Variants in SLC41A1 observed in about 807,000 individuals in gnomAD.
SLC41A1 encodes solute carrier family 41 member 1.
A neutral mutation model predicts 47.3 loss-of-function variants in SLC41A1; 20 were observed. The observed-to-expected ratio is 0.42, with a 90% CI of 0.30 to 0.61. The LOEUF (loss-of-function observed/expected upper bound fraction) is 0.61. Ranked by LOEUF, SLC41A1 falls within the 20% of genes least tolerant of loss-of-function variation. The pLI is 0.17. For missense variants in SLC41A1, 504 were observed against 674.1 expected (o/e 0.75, Z 2.79); for synonymous variants, 282 against 272.7 (o/e 1.03, Z -0.34).
Position 205,797,021 on chromosome 1 carries a change from C to T in SLC41A1, c.993-18G>A. The T allele has an allele frequency of 1.3e-6, 2 of 1,505,244 alleles. No homozygotes were observed. The highest frequency in any genetic ancestry group is 1.8e-6 in the Non-Finnish European group (2 of 1,119,978). 93.2% of individuals were successfully genotyped at this position (1,505,244 alleles called of 1,614,324 possible). ...CTCCCACACTATAGAGACATAAAGA[C>T]AAAATGACGCAAAGACCACTGAAGG... On this transcript the variant is annotated intron_variant, in intron 7 of 10. Coordinates refer to ENST00000367137, the MANE Select transcript of SLC41A1 (RefSeq NM_173854.6).
chr1:205,793,834 TTG>T (rs60181043), intron 10 of SLC41A1, among the ~76,000 whole-genome samples: 3,182 of 152,204 alleles, frequency 0.021, 102 homozygotes, highest in African/African-American at 0.071. Context: ...TAGAATAGGT[TTG>T]AAGGACACAC....
Position 205,791,330 on chromosome 1 carries a change from C to T in SLC41A1, c.*203G>A, listed in dbSNP as rs1230256204. The T allele has an allele frequency of 6.2e-6, 4 of 642,554 alleles. No individual in the cohort carries two copies. In the East Asian group the frequency reaches 1.2e-4, roughly 19 times the overall value. 39.8% of individuals were successfully genotyped at this position (642,554 alleles called of 1,614,324 possible). A position where few individuals can be genotyped will look rare whatever the true frequency, so the allele number is the denominator to read the frequency against. Reference sequence around the variant, plus strand: ...TCAAAAACCTACTTGTACTGCTTATCTCAGGCCATCTGTGTTTCCCAAATT... The same window carrying T: ...TCAAAAACCTACTTGTACTGCTTATTTCAGGCCATCTGTGTTTCCCAAATT... On this transcript the variant is annotated 3_prime_UTR_variant, in exon 11 of 11. Coordinates refer to ENST00000367137, the MANE Select transcript of SLC41A1 (RefSeq NM_173854.6). This position sits in a 1 kb window ranked among gnomAD's most constrained non-coding sequence, Gnocchi z 4.0.
chr1:205,805,164 G>C lies in SLC41A1; in HGVS notation c.373-4104C>G, dbSNP rs1283259565. ...TGCAAAAGTCTTCCCGACTCTTACA[G>C]AATATAGCCTGGAACCTCAAACGAC... On this transcript the variant is annotated intron_variant, in intron 2 of 10. Coordinates refer to ENST00000367137, the MANE Select transcript of SLC41A1 (RefSeq NM_173854.6). Among the ~76,000 whole-genome samples, 25 of 152,238 alleles carry C rather than the reference G, an allele frequency of 1.6e-4. 1 individual carries two copies. The highest frequency in any genetic ancestry group is 1.5e-5 in the Non-Finnish European group (1 of 68,008).
chr1:205,800,905 T>TGCCCAGAGTCCTCTCTGTGCC lies in SLC41A1; in HGVS notation c.480+27_480+47dup, dbSNP rs773347509. On this transcript the variant is annotated intron_variant, in intron 3 of 10. Transcript: ENST00000367137. ...CCTCTCCCAGTCTCTGGCTCTGTGC[T>TGCCCAGAGTCCTCTCTGTGCC]GCCCAGAGTCCTCTCTGTGCCCCAC... 7 of 1,523,852 alleles carry TGCCCAGAGTCCTCTCTGTGCC rather than the reference T, an allele frequency of 4.6e-6. No individual in the cohort carries two copies. In the East Asian group the frequency reaches 1.6e-4, roughly 34 times the overall value. The allele number at this position is 1,523,852 out of a possible 1,614,324, so 94.4% of individuals were successfully genotyped here.
chr1:205,799,125 G>A (rs745428290), intron 4 of SLC41A1, 24 bp from the exon 5 acceptor site: 1 of 1,611,342 alleles, frequency 6.2e-7, no homozygotes, highest in South Asian at 1.1e-5. Context: ...TGGTAACTCA[G>A]AAAGCCCTGA....
rs372618362 is a variant in SLC41A1, at chr1:205,810,208, G to T, written c.234C>A (p.Asp78Glu). The change falls in exon 2 of 11, where the codon GAC becomes GAA. Residue 78 changes from aspartate (D) to glutamate (E), a missense_variant. Asp to Glu is a conservative substitution (Grantham distance 45). Transcript: ENST00000367137. The surrounding 1 kb of genome is among the most constrained non-coding windows in gnomAD (Gnocchi z 5.5). Reference sequence around the variant, plus strand: ...GCGCAGGGCCACGGTCTGTGCTGACGTCGTCACTTTCGTTGCTCTGGCTCC... The same window carrying T: ...GCGCAGGGCCACGGTCTGTGCTGACTTCGTCACTTTCGTTGCTCTGGCTCC... Reference protein sequence around the residue: ...ENGSQSNESDDVSTDRGPAPP... With the variant: ...ENGSQSNESDEVSTDRGPAPP... 1 of 1,614,124 alleles carries T rather than the reference G, an allele frequency of 6.2e-7. No individual in the cohort carries two copies. The highest frequency in any genetic ancestry group is 8.5e-7 in the Non-Finnish European group (1 of 1,180,050).
intron 2 of SLC41A1, among the ~76,000 whole-genome samples, chr1:205,807,506 G>T (rs1656039519): frequency 6.6e-6 from 1 of 152,174 alleles, no homozygotes; most frequent in South Asian, 2.1e-4. Context: ...ATGGGTAGGG[G>T]TGTGGTGTGT....
intron 2 of SLC41A1, among the ~76,000 whole-genome samples, chr1:205,801,807 C>A (rs1026573395): frequency 6.6e-6 from 1 of 152,340 alleles, no homozygotes; most frequent in East Asian, 1.9e-4. Flanking sequence ...CTACCAATGT[C>A]TTTGGTTAAC....
In SLC41A1 at chr1:205,791,192, C is replaced by T. The variant is rs1168043295; in HGVS notation, c.*341G>A. ...CTTACAAAGGGTTTCTCATTAGGGC[C>T]AAGACAGGTTGCTAAAGCCAAACCC... On this transcript the variant is annotated 3_prime_UTR_variant, in exon 11 of 11. Transcript: ENST00000367137. The surrounding 1 kb of genome is among the most constrained non-coding windows in gnomAD (Gnocchi z 4.0). 1.6e-5 allele frequency: 6 copies of T among 378,744 alleles called. No homozygotes were observed. Among genetic ancestry groups the T allele is most frequent in the Non-Finnish European group, 3.0e-5 (6 of 198,824 alleles). The allele number at this position is 378,744 out of a possible 1,614,324, so 23.5% of individuals were successfully genotyped here. A position where few individuals can be genotyped will look rare whatever the true frequency, so the allele number is the denominator to read the frequency against.
Position 205,791,705 on chromosome 1 carries a change from A to C in SLC41A1, c.1370T>G (p.Leu457Arg). ...TAALLQVLIL[L>R]YIADWMVHWM... is the part of the protein sequence containing the mutation. The stretch of plus-strand genomic sequence containing the variant: ...GTGCACCATCCAGTCTGCGATGTAC[A>C]GGAGAATCAGCACCTGGGGAGACAA... The change falls in exon 11 of 11, where the codon CTG becomes CGG. Residue 457 changes from leucine to arginine, a missense_variant. Physicochemically the swap from Leu to Arg is moderately radical, Grantham distance 102 (BLOSUM62 -2). Around this residue, in one of 2 missense-constraint regions of SLC41A1, gnomAD observed 421 missense variants for 601.6 expected, o/e 0.70. Coordinates refer to ENST00000367137, the MANE Select transcript of SLC41A1 (RefSeq NM_173854.6). This position sits in a 1 kb window ranked among gnomAD's most constrained non-coding sequence, Gnocchi z 4.0. 1 of 1,613,770 alleles carries C rather than the reference A, an allele frequency of 6.2e-7. No individual in the cohort carries two copies.
In SLC41A1 at chr1:205,801,455, A is replaced by G. The variant is rs1265779153; in HGVS notation, c.373-395T>C. ...TGCAATCCCTGGCCCCTTTGCCTTC[A>G]GTCCAGTTTCTCTGTTGTCTCAGCT... On this transcript the variant is annotated intron_variant, in intron 2 of 10. Coordinates refer to ENST00000367137, the MANE Select transcript of SLC41A1 (RefSeq NM_173854.6). 1.6e-5 allele frequency: 5 copies of G among 305,906 alleles called. No individual in the cohort carries two copies. In the East Asian group the frequency reaches 4.3e-4, roughly 26 times the overall value. 18.9% of individuals were successfully genotyped at this position (305,906 alleles called of 1,614,324 possible). A position where few individuals can be genotyped will look rare whatever the true frequency, so the allele number is the denominator to read the frequency against.
chr1:205,807,182 T>C (rs1397952286), intron 2 of SLC41A1, among the ~76,000 whole-genome samples: 1 of 152,160 alleles, frequency 6.6e-6, no homozygotes, highest in Non-Finnish European at 1.5e-5. Flanking sequence ...TTTACTCCCA[T>C]GGATGTGGAA....
At chr1:205,804,524 C>G (rs823072) in intron 2 of SLC41A1, among the ~76,000 whole-genome samples, 1 of 151,930 alleles carries the variant, frequency 6.6e-6, no homozygotes, top group South Asian at 2.1e-4. Flanking sequence ...CTAAGACCCC[C>G]CAGAGAGAAG....
chr1:205,809,422 C>T (rs1422484073), intron 2 of SLC41A1, among the ~76,000 whole-genome samples: 2 of 152,200 alleles, frequency 1.3e-5, no homozygotes, highest in Non-Finnish European at 2.9e-5. Context: ...GGCCTAGTTA[C>T]ATTTTGTCCC....
chr1:205,798,564 CA>C, intron 6 of SLC41A1, 104 bp downstream of exon 6: 2 of 1,527,590 alleles, frequency 1.3e-6, no homozygotes, highest in Non-Finnish European at 1.8e-6. Flanking sequence ...GTGTTCAAAC[CA>C]AATAGTTTAA....
chr1:205,795,334 C>T lies in SLC41A1; in HGVS notation c.1207+10G>A. 1 of 1,614,206 alleles carries T rather than the reference C, an allele frequency of 6.2e-7. No individual in the cohort carries two copies. Among genetic ancestry groups the T allele is most frequent in the Non-Finnish European group, 8.5e-7 (1 of 1,180,034 alleles). On this transcript the variant is annotated intron_variant, in intron 9 of 10. Coordinates refer to ENST00000367137, the MANE Select transcript of SLC41A1 (RefSeq NM_173854.6). ...CCCCCAGGGCTGGGAGGCTGGGAAT[C>T]TGCCGTTACCAGGGCTGAAGAAGGT...
Position 205,801,042 on chromosome 1 carries a change from T to A in SLC41A1, c.391A>T (p.Lys131Ter). Residue 131 changes from lysine (K) to a stop codon, truncating the protein, a stop_gained, in exon 3 of 11, where the codon AAG (lysine) becomes TAG (stop). Transcript: ENST00000367137. LOFTEE classifies it high-confidence loss of function. ...DIVQHWEVFQ[K>*]VTEVFILVPA... ...ACTAGGATGAAGACCTCTGTCACCTTCTGGAAGACTTCCCAGTGCTACGAG... is the reference window on the plus strand; with the variant it reads ...ACTAGGATGAAGACCTCTGTCACCTACTGGAAGACTTCCCAGTGCTACGAG... 6.2e-7 allele frequency: 1 copy of A among 1,614,128 alleles called. No individual in the cohort carries two copies.
chr1:205,795,166 C>A (rs967535758), intron 9 of SLC41A1, 148 bp from the exon 10 acceptor site: 4 of 1,422,494 alleles, frequency 2.8e-6, no homozygotes, highest in Non-Finnish European at 1.9e-6. Flanking sequence ...TCTCCAACCC[C>A]TAGGGTGCTC....
chr1:205,803,984 G>A (rs1188902899), intron 2 of SLC41A1, among the ~76,000 whole-genome samples: 2 of 152,162 alleles, frequency 1.3e-5, no homozygotes, highest in African/African-American at 2.4e-5. Context: ...GGGGAGCAGG[G>A]AAAAGAGTGA....
Sources: gnomAD v4.1 joint callset for allele counts (sites outside exome capture counted in the v4.1 genomes callset) on GRCh38, gnomAD v4.1.1 for gene constraint, gnomAD v4.1.1 regional missense constraint, Gnocchi (gnomAD v3.1) non-coding constraint, MANE v1.5 for transcripts, NCBI Gene and HGNC (gene_info 2026-07-23, HGNC 2026-07-21) for gene names.